Variants in PUDP observed in about 807,000 individuals in gnomAD.
PUDP encodes pseudouridine-5'-phosphatase.
PUDP carries 8 observed loss-of-function variants against 9.4 expected under a neutral mutation model. That is an observed-to-expected ratio of 0.85 (90% CI 0.50 to 1.53). The LOEUF (loss-of-function observed/expected upper bound fraction) is 1.53, where lower values mean the gene tolerates loss of function less well. PUDP is among the 40% of genes most tolerant of loss of function. PUDP has a pLI of 0.00. For synonymous variants in PUDP, 99 were observed against 80.7 expected, an observed-to-expected ratio of 1.23 and a Z score of -1.22; for missense variants, 188 against 189.7, an observed-to-expected ratio of 0.99 and a Z score of 0.05.
intron 3 of PUDP, among the ~76,000 whole-genome samples, chrX:7,070,325 C>A (rs1395107384): frequency 9.0e-6 from 1 of 111,725 alleles, no homozygotes; most frequent in African/African-American, 3.3e-5. Flanking sequence ...TGAGCAGAGG[C>A]ATGCCTATTT....
chrX:6,999,814 TA>T (rs1165472554), intron 1 of PUDP, among the ~76,000 whole-genome samples: 134 of 102,438 alleles, frequency 1.3e-3, no homozygotes, highest in Non-Finnish European at 2.0e-3. Flanking sequence ...ATTTAAAAAT[TA>T]AAAAAAAAAC....
At chrX:6,904,070 G>A (rs1367586054) in intron 3 of PUDP, among the ~76,000 whole-genome samples, 4 of 107,776 alleles carry the variant, frequency 3.7e-5, no homozygotes, top group African/African-American at 6.8e-5. Context: ...TCCTGCCTCA[G>A]CCTCCCGAGT....
chrX:6,997,029 CT>C (rs1347146264), intron 1 of PUDP, among the ~76,000 whole-genome samples: 1 of 110,660 alleles, frequency 9.0e-6, no homozygotes, highest in Non-Finnish European at 1.9e-5. Flanking sequence ...TTTGGAAGTA[CT>C]AACTGAAAAA....
chrX:6,823,850 C>T (rs942976315), intron 3 of PUDP, among the ~76,000 whole-genome samples: 8 of 112,258 alleles, frequency 7.1e-5, no homozygotes, highest in African/African-American at 1.9e-4. Flanking sequence ...CGGACATTGC[C>T]GTGGCACCTG....
At chrX:6,924,511 C>A (rs1296893878) in intron 3 of PUDP, among the ~76,000 whole-genome samples, 1 of 111,834 alleles carries the variant, frequency 8.9e-6, no homozygotes, top group Non-Finnish European at 1.9e-5. Flanking sequence ...AATGAGATAT[C>A]TTGGGGATGA....
intron 3 of PUDP, among the ~76,000 whole-genome samples, chrX:6,918,402 A>C: frequency 8.9e-6 from 1 of 112,178 alleles, no homozygotes; most frequent in Non-Finnish European, 1.9e-5. Context: ...GTGTAAGCTG[A>C]TCCTCATTGC....
At chrX:7,060,074 C>T (rs1360077698) in intron 3 of PUDP, among the ~76,000 whole-genome samples, 1 of 111,823 alleles carries the variant, frequency 8.9e-6, no homozygotes, top group Non-Finnish European at 1.9e-5. Flanking sequence ...CTCTTCGGTC[C>T]TCTCCTTGGT....
At chrX:7,051,024 A>T (rs1447641927) in intron 3 of PUDP, among the ~76,000 whole-genome samples, 1 of 111,517 alleles carries the variant, frequency 9.0e-6, no homozygotes, top group African/African-American at 3.3e-5. Flanking sequence ...TAATCGCGAA[A>T]ATCCACTTTA....
intron 3 of PUDP, among the ~76,000 whole-genome samples, chrX:6,898,669 G>A (rs1416988139): frequency 8.9e-6 from 1 of 112,415 alleles, no homozygotes; most frequent in African/African-American, 3.2e-5. Flanking sequence ...AGCCACAGGC[G>A]ACACAGAAAG....
chrX:6,921,950 T>C (rs1473233771), intron 3 of PUDP, among the ~76,000 whole-genome samples: 1 of 111,757 alleles, frequency 8.9e-6, no homozygotes, highest in Admixed American at 9.6e-5. Context: ...CTACTCCATG[T>C]TTGAAGTGGC....
intron 3 of PUDP, among the ~76,000 whole-genome samples, chrX:6,732,849 C>G: frequency 8.9e-6 from 1 of 111,859 alleles, no homozygotes; most frequent in Non-Finnish European, 1.9e-5. Flanking sequence ...CCACTGAGTA[C>G]CATTTTTCTT....
rs746088133 is a variant in PUDP at position 7,137,358 on chromosome X, T to C, written c.61+10695A>G. ...GAGATCGAGACCATCCTGGCTAACA[T>C]GGTGAAACCCTGTCTCTACTAAAAA... On this transcript the variant is annotated intron_variant, in intron 1 of 3. Coordinates refer to ENST00000381077, the MANE Select transcript of PUDP (RefSeq NM_012080.5). Among the ~76,000 whole-genome samples the C allele has an allele frequency of 4.7e-5, 5 of 105,774 alleles. No homozygotes were observed. In the East Asian group the frequency reaches 9.0e-4, roughly 19 times the overall value. The allele number at this position is 105,774 out of a possible 115,157, so 91.9% of individuals were successfully genotyped here.
At chrX:6,739,210 G>A (rs1924908129) in intron 3 of PUDP, among the ~76,000 whole-genome samples, 1 of 111,612 alleles carries the variant, frequency 9.0e-6, no homozygotes, top group Admixed American at 9.5e-5. Context: ...TTCGAAAATG[G>A]TTCACGGAAG....
intron 1 of PUDP, among the ~76,000 whole-genome samples, chrX:6,712,170 T>TGTGTGTGGC (rs939615135): frequency 3.6e-5 from 4 of 111,772 alleles, no homozygotes; most frequent in African/African-American, 1.3e-4. Context: ...TGTGTGTGTG[T>TGTGTGTGGC]GACAGAATCT....
chrX:6,773,750 C>T (rs149670297), intron 3 of PUDP, among the ~76,000 whole-genome samples: 27 of 111,449 alleles, frequency 2.4e-4, no homozygotes, highest in Admixed American at 5.7e-4. Flanking sequence ...CAGGAGTTTC[C>T]ACCCCTTTCC....
At chrX:6,723,458 A>G (rs1371241016), upstream of PUDP, among the ~76,000 whole-genome samples, 3 of 102,595 alleles carry the variant, frequency 2.9e-5, no homozygotes, top group East Asian at 2.9e-4. Context: ...AAAAAAAAAA[A>G]AGAGAAGAAA....
chrX:7,035,883 A>G (rs1438766037), intron 1 of PUDP, among the ~76,000 whole-genome samples: 1 of 111,649 alleles, frequency 9.0e-6, no homozygotes, highest in African/African-American at 3.3e-5. Context: ...ATGGGGACAG[A>G]TCCCTCCCAT....
At chrX:6,760,918 G>A (rs1388670101) in intron 3 of PUDP, among the ~76,000 whole-genome samples, 2 of 112,252 alleles carry the variant, frequency 1.8e-5, no homozygotes, top group African/African-American at 3.2e-5. Context: ...CATATTTTAA[G>A]GTTGTGGACT....
At chrX:7,138,152 A>G (rs1437581532) in intron 1 of PUDP, among the ~76,000 whole-genome samples, 1 of 111,901 alleles carries the variant, frequency 8.9e-6, no homozygotes, top group Non-Finnish European at 1.9e-5. Flanking sequence ...GGACAGAGGA[A>G]CAAGTAAGGT....
Sources: gnomAD v4.1 joint callset for allele counts (sites outside exome capture counted in the v4.1 genomes callset) on GRCh38, gnomAD v4.1.1 for gene constraint, MANE v1.5 for transcripts, NCBI Gene and HGNC (gene_info 2026-07-23, HGNC 2026-07-21) for gene names.